The following XKR4 variants were observed in gnomAD, a reference collection of about 807,000 sequenced individuals.
XKR4 encodes the protein XK-related protein 4.
Under a neutral mutation model 53.9 loss-of-function variants are expected in XKR4, and 12 were observed. The observed-to-expected ratio is 0.22, with a 90% CI of 0.14 to 0.36. XKR4 has a LOEUF of 0.36. XKR4 is among the 10% of genes least tolerant of loss of function. XKR4 has a pLI of 1.00. For missense variants in XKR4, 799 were observed against 859.5 expected (o/e 0.93, Z 0.88); for synonymous variants, 354 against 362.4 (o/e 0.98, Z 0.26).
chr8:55,314,877 G>T (rs900422682), intron 1 of XKR4, among the ~76,000 whole-genome samples: 1 of 152,210 alleles, frequency 6.6e-6, no homozygotes, highest in South Asian at 2.1e-4. Flanking sequence ...GCAGCTCAGT[G>T]TGGAGAAGGC....
At chr8:55,339,414 A>G (rs920898040) in intron 1 of XKR4, among the ~76,000 whole-genome samples, 1 of 152,240 alleles carries the variant, frequency 6.6e-6, no homozygotes, top group Non-Finnish European at 1.5e-5. Flanking sequence ...CACATATTTT[A>G]GGCAGAAACA....
At chr8:55,314,208 G>T (rs1313894105) in intron 1 of XKR4, among the ~76,000 whole-genome samples, 2 of 152,310 alleles carry the variant, frequency 1.3e-5, no homozygotes, top group Middle Eastern at 6.8e-3. Context: ...ATTTTAAAAT[G>T]TGAGTCAAAT....
intron 1 of XKR4, among the ~76,000 whole-genome samples, chr8:55,334,689 T>A (rs1286302863): frequency 6.6e-6 from 1 of 152,176 alleles, no homozygotes; most frequent in African/African-American, 2.4e-5. Context: ...AAGCAACTGA[T>A]GACCTGATGG....
intron 1 of XKR4, among the ~76,000 whole-genome samples, chr8:55,227,759 A>T (rs1403070394): frequency 6.6e-6 from 1 of 152,082 alleles, no homozygotes; most frequent in Non-Finnish European, 1.5e-5. Flanking sequence ...CGCCACAGCC[A>T]CCCCTGTGTG....
intron 1 of XKR4, among the ~76,000 whole-genome samples, chr8:55,197,545 A>T (rs1033425358): frequency 4.2e-5 from 6 of 143,742 alleles, no homozygotes; most frequent in Admixed American, 1.4e-4. Flanking sequence ...GTTCAGCTAA[A>T]TTTTTTTTTT....
At chr8:55,449,580 AGTC>A in intron 2 of XKR4, 1 of 1,359,556 alleles carries the variant, frequency 7.4e-7, no homozygotes. Flanking sequence ...TGGGCACAAA[AGTC>A]GTAAACGCGA....
intron 1 of XKR4, among the ~76,000 whole-genome samples, chr8:55,142,665 T>TA (rs1027780738): frequency 6.6e-6 from 1 of 151,996 alleles, no homozygotes; most frequent in Non-Finnish European, 1.5e-5. Context: ...CAATAAACTT[T>TA]AAAAAAAAAT....
chr8:55,526,720 A>G lies in XKR4; in HGVS notation c.*2493A>G, dbSNP rs941177159. The G allele has an allele frequency of 2.1e-4, 32 of 152,232 alleles. No homozygotes were observed. Among genetic ancestry groups the G allele is most frequent in the African/African-American group, 7.5e-4 (31 of 41,458 alleles). 9.4% of individuals were successfully genotyped at this position (152,232 alleles called of 1,614,324 possible). A position where few individuals can be genotyped will look rare whatever the true frequency, so the allele number is the denominator to read the frequency against. On this transcript the variant is annotated 3_prime_UTR_variant, in exon 3 of 3. Transcript: ENST00000327381. ...CTAATAGAGTCAATCAATCAACACAAACCCAACAGGCCCCATCATGCTTCA... is the reference window on the plus strand; with the variant it reads ...CTAATAGAGTCAATCAATCAACACAGACCCAACAGGCCCCATCATGCTTCA...
intron 2 of XKR4, among the ~76,000 whole-genome samples, chr8:55,481,723 A>C (rs1303418390): frequency 6.6e-6 from 1 of 152,162 alleles, no homozygotes; most frequent in Non-Finnish European, 1.5e-5. Context: ...ACCCCATCAA[A>C]AAGTGGGCAA....
intron 1 of XKR4, chr8:55,164,240 A>T (rs1450738411): frequency 2.2e-6 from 1 of 456,272 alleles, no homozygotes; most frequent in Non-Finnish European, 4.4e-6. Flanking sequence ...CGGCATTGAG[A>T]CCCATCTCCT....
At chr8:55,435,393 C>A (rs975682636) in intron 2 of XKR4, among the ~76,000 whole-genome samples, 4 of 151,764 alleles carry the variant, frequency 2.6e-5, no homozygotes, top group Non-Finnish European at 5.9e-5. Flanking sequence ...TCTCTCAGAC[C>A]CTGTGAGTAC....
intron 1 of XKR4, among the ~76,000 whole-genome samples, chr8:55,189,139 C>T (rs11787334): frequency 0.19 from 28,870 of 152,062 alleles, 3,483 homozygotes; most frequent in Middle Eastern, 0.34. Flanking sequence ...ATTGTGATTT[C>T]GATAGGTTTA....
chr8:55,348,881 T>C (rs143874514), intron 1 of XKR4, among the ~76,000 whole-genome samples: 93 of 152,052 alleles, frequency 6.1e-4, no homozygotes, highest in Non-Finnish European at 1.2e-3. Context: ...GATAGACATA[T>C]AGAACTAGAT....
chr8:55,343,681 G>A (rs974901884), intron 1 of XKR4, among the ~76,000 whole-genome samples: 1 of 152,128 alleles, frequency 6.6e-6, no homozygotes. Context: ...TTTCAAGAAA[G>A]TCCTCCTATT....
intron 1 of XKR4, among the ~76,000 whole-genome samples, chr8:55,298,541 G>A (rs1819134144): frequency 1.3e-5 from 2 of 152,030 alleles, no homozygotes; most frequent in African/African-American, 2.4e-5. Flanking sequence ...AGGAGGGGGA[G>A]GTCCTAGATC....
chr8:55,361,989 C>T (rs1803915775), intron 2 of XKR4, among the ~76,000 whole-genome samples: 2 of 152,116 alleles, frequency 1.3e-5, no homozygotes, highest in South Asian at 4.1e-4. Context: ...AACTTCAGCC[C>T]CTGATCTCAG....
At chr8:55,450,420 C>G in intron 2 of XKR4, 1 of 572,136 alleles carries the variant, frequency 1.7e-6, no homozygotes, top group Non-Finnish European at 3.2e-6. Context: ...TGGCTGTCCT[C>G]TTGCTCATCC....
At chr8:55,428,221 T>C (rs1333495730) in intron 2 of XKR4, among the ~76,000 whole-genome samples, 1 of 152,166 alleles carries the variant, frequency 6.6e-6, no homozygotes, top group Admixed American at 6.5e-5. Flanking sequence ...AGTATAGAGA[T>C]TAGCAAGACC....
At position 55,541,717 on chromosome 8, in the gene XKR4, A is replaced by G. The variant is rs1563377090; in HGVS notation, c.*17490A>G. ...AAATGTATTTGGAATTTTATTTGAAATGGAGACTTAAACTAGTTATTAAAT... is the reference window on the plus strand; with the variant it reads ...AAATGTATTTGGAATTTTATTTGAAGTGGAGACTTAAACTAGTTATTAAAT... On this transcript the variant is annotated 3_prime_UTR_variant, in exon 3 of 3. Coordinates refer to ENST00000327381, the MANE Select transcript of XKR4 (RefSeq NM_052898.2). 6.6e-6 allele frequency: 1 copy of G among 152,192 alleles called. No individual in the cohort carries two copies. Among genetic ancestry groups the G allele is most frequent in the African/African-American group, 2.4e-5 (1 of 41,446 alleles). The allele number at this position is 152,192 out of a possible 1,614,324, so 9.4% of individuals were successfully genotyped here.
Sources: gnomAD v4.1 joint callset for allele counts (sites outside exome capture counted in the v4.1 genomes callset) on GRCh38, gnomAD v4.1.1 for gene constraint, MANE v1.5 for transcripts, NCBI Gene and HGNC (gene_info 2026-07-23, HGNC 2026-07-21) for gene names.